Variants in ADGRV1 observed in about 807,000 individuals in gnomAD.
ADGRV1 encodes G-protein coupled receptor 98.
ADGRV1 carries 359 observed loss-of-function variants against 596.2 expected under a neutral mutation model. The ratio of observed to expected loss-of-function variants is 0.60; its 90% CI spans 0.55 to 0.66. The LOEUF (loss-of-function observed/expected upper bound fraction) is 0.66, where lower values mean the gene tolerates loss of function less well. ADGRV1 is among the 30% of genes least tolerant of loss of function. ADGRV1 has a pLI of 0.00. For synonymous variants in ADGRV1, 2,681 were observed against 2,679.2 expected, an observed-to-expected ratio of 1.00 and a Z score of -0.02; for missense variants, 7,274 against 7,575.6, an observed-to-expected ratio of 0.96 and a Z score of 1.48.
chr5:90,679,410 ATTTC>A (rs1183727903), intron 25 of ADGRV1, 135 bp from the exon 26 acceptor site: 12 of 544,446 alleles, frequency 2.2e-5, no homozygotes, highest in Non-Finnish European at 3.6e-5. Context: ...AAAATGATCC[ATTTC>A]TTATGGAAGA....
At chr5:90,890,953 T>C (rs79715384) in intron 83 of ADGRV1, among the ~76,000 whole-genome samples, 1,712 of 152,118 alleles carry the variant, frequency 0.011, 45 homozygotes, top group African/African-American at 0.04. Flanking sequence ...TTTCAATTAA[T>C]ATACTTTGTA....
intron 84 of ADGRV1, among the ~76,000 whole-genome samples, chr5:90,974,849 T>G (rs1779412821): frequency 1.3e-5 from 2 of 151,970 alleles, no homozygotes; most frequent in Admixed American, 6.6e-5. Flanking sequence ...AATTGACAAA[T>G]GGGATCTAAT....
intron 87 of ADGRV1, among the ~76,000 whole-genome samples, chr5:91,127,530 C>G (rs566130816): frequency 1.9e-5 from 2 of 107,158 alleles, no homozygotes; most frequent in African/African-American, 7.3e-5. Context: ...GGAGCTAAAC[C>G]CAGTCTCACC....
intron 29 of ADGRV1, among the ~76,000 whole-genome samples, chr5:90,688,486 G>A (rs1184767214): frequency 6.6e-6 from 1 of 152,178 alleles, no homozygotes; most frequent in African/African-American, 2.4e-5. Flanking sequence ...CTTCCGGGTA[G>A]CTGGGACTAC....
intron 83 of ADGRV1, among the ~76,000 whole-genome samples, chr5:90,919,623 T>A (rs951107154): frequency 6.6e-6 from 1 of 152,238 alleles, no homozygotes; most frequent in African/African-American, 2.4e-5. Context: ...GTTTAAGCTT[T>A]GAGTGTCGTT....
At chr5:90,830,195 C>T (rs1386760505) in intron 77 of ADGRV1, among the ~76,000 whole-genome samples, 1 of 152,030 alleles carries the variant, frequency 6.6e-6, no homozygotes, top group African/African-American at 2.4e-5. Flanking sequence ...TGAAAGTTTG[C>T]CAGGCAGTAA....
chr5:90,915,556 G>A (rs1480427125), intron 83 of ADGRV1, among the ~76,000 whole-genome samples: 1 of 152,074 alleles, frequency 6.6e-6, no homozygotes, highest in African/African-American at 2.4e-5. Flanking sequence ...AAGGCAAAAG[G>A]AGTCTGCAAA....
chr5:90,761,889 C>G (rs1191307358), intron 58 of ADGRV1, among the ~76,000 whole-genome samples: 1 of 152,132 alleles, frequency 6.6e-6, no homozygotes, highest in Non-Finnish European at 1.5e-5. Flanking sequence ...CCTGTCTTTC[C>G]TATCACAAAA....
chr5:91,116,074 T>A (rs886676099), intron 87 of ADGRV1, among the ~76,000 whole-genome samples: 1 of 152,168 alleles, frequency 6.6e-6, no homozygotes, highest in Non-Finnish European at 1.5e-5. Context: ...TAGAAAAATG[T>A]CAACTACAGT....
chr5:91,063,680 T>G (rs957476472), intron 85 of ADGRV1, among the ~76,000 whole-genome samples: 1 of 152,200 alleles, frequency 6.6e-6, no homozygotes, highest in Non-Finnish European at 1.5e-5. Context: ...TCATTTCACA[T>G]TGAAAATCAG....
intron 21 of ADGRV1, among the ~76,000 whole-genome samples, chr5:90,665,220 T>A (rs1370509205): frequency 6.6e-6 from 1 of 152,074 alleles, no homozygotes; most frequent in Non-Finnish European, 1.5e-5. Context: ...CTGGTAGAAT[T>A]CGGCTGTGAA....
At chr5:90,999,264 A>G (rs371024862) in intron 85 of ADGRV1, among the ~76,000 whole-genome samples, 3 of 152,108 alleles carry the variant, frequency 2.0e-5, no homozygotes, top group African/African-American at 4.8e-5. Flanking sequence ...TATGATATCA[A>G]ATTGTTTCAG....
At chr5:90,988,998 C>T (rs1359097910) in intron 85 of ADGRV1, among the ~76,000 whole-genome samples, 16 of 151,942 alleles carry the variant, frequency 1.1e-4, no homozygotes, top group Non-Finnish European at 1.5e-5. Context: ...GCATAGTATT[C>T]CATGGTGTAT....
intron 83 of ADGRV1, among the ~76,000 whole-genome samples, chr5:90,933,971 G>A (rs1775469546): frequency 6.6e-6 from 1 of 152,184 alleles, no homozygotes; most frequent in Admixed American, 6.5e-5. Context: ...AGGTAGGCAA[G>A]GGGCCTGTCG....
chr5:90,725,194 A>T lies in ADGRV1; in HGVS notation c.10015A>T (p.Ser3339Cys), dbSNP rs1751603933. 1 of 1,533,458 alleles carries T rather than the reference A, an allele frequency of 6.5e-7. No individual in the cohort carries two copies. The highest frequency in any genetic ancestry group is 1.4e-5 in the African/African-American group (1 of 72,096). 95.0% of individuals were successfully genotyped at this position (1,533,458 alleles called of 1,614,324 possible). A position where few individuals can be genotyped will look rare whatever the true frequency, so the allele number is the denominator to read the frequency against. ...ERNEEKPSLN[S>C]VFTFTSGFKL... is the part of the protein sequence containing the mutation. Reference sequence around the variant, plus strand: ...AAATGAAGAAAAGCCTTCTCTTAACAGTGTGTTTACATTCACATCTGGATT... The same window carrying T: ...AAATGAAGAAAAGCCTTCTCTTAACTGTGTGTTTACATTCACATCTGGATT... The change falls in exon 47 of 90, where the codon AGT (serine) becomes TGT (cysteine). Residue 3339 changes from serine to cysteine, a missense_variant. Physicochemically the swap from Ser to Cys is moderately radical, Grantham distance 112 (BLOSUM62 -1). This residue lies in a region of ADGRV1 where 3,643 missense variants were observed against 3,809.2 expected (regional missense o/e 0.96). Coordinates refer to ENST00000405460, the MANE Select transcript of ADGRV1 (RefSeq NM_032119.4).
At chr5:91,011,718 CA>C (rs1018197229) in intron 85 of ADGRV1, among the ~76,000 whole-genome samples, 3 of 151,514 alleles carry the variant, frequency 2.0e-5, no homozygotes, top group Non-Finnish European at 4.4e-5. Context: ...TTTCCATTCA[CA>C]AAGGCTTTTC....
rs537161544 is a variant in ADGRV1, at chr5:90,643,638, G to A, written c.2554-165G>A. Among the ~76,000 whole-genome samples the A allele has an allele frequency of 2.0e-5, 3 of 152,160 alleles. No homozygotes were observed. The South Asian group carries it at 6.2e-4, about 32-fold the overall frequency. The stretch of plus-strand genomic sequence containing the variant: ...TATTTCTGGTGTCTCTTAATTGATA[G>A]GAGAATGTTAATTTTTAAAGAAATG... On this transcript the variant is annotated intron_variant, in intron 13 of 89. Coordinates refer to ENST00000405460, the MANE Select transcript of ADGRV1 (RefSeq NM_032119.4).
chr5:90,828,733 G>C (rs1037112116), intron 76 of ADGRV1, among the ~76,000 whole-genome samples: 5 of 151,982 alleles, frequency 3.3e-5, no homozygotes, highest in African/African-American at 1.2e-4. Context: ...CTCGCCCAGA[G>C]AAAGTAAATG....
At chr5:91,072,309 A>G (rs765179433) in intron 85 of ADGRV1, 138 bp from the exon 86 acceptor site, 6 of 726,656 alleles carry the variant, frequency 8.3e-6, no homozygotes, top group Non-Finnish European at 1.4e-5. Context: ...ACAAAACTTC[A>G]GTTTGGCAAA....
Sources: gnomAD v4.1 joint callset for allele counts (sites outside exome capture counted in the v4.1 genomes callset) on GRCh38, gnomAD v4.1.1 for gene constraint, gnomAD v4.1.1 regional missense constraint, MANE v1.5 for transcripts, NCBI Gene and HGNC (gene_info 2026-07-23, HGNC 2026-07-21) for gene names.